DPP10: variants seen among roughly 807,000 people sequenced by gnomAD.
DPP10 encodes the protein inactive dipeptidyl peptidase 10.
Under a neutral mutation model 120.9 loss-of-function variants are expected in DPP10, and 33 were observed. The observed-to-expected ratio is 0.27, with a 90% CI of 0.21 to 0.37. The LOEUF is 0.37. Ranked by LOEUF, DPP10 falls within the 10% of genes least tolerant of loss-of-function variation. DPP10 has a pLI of 1.00. For missense variants in DPP10, 816 were observed against 942.8 expected (o/e 0.87, Z 1.76); for synonymous variants, 337 against 326.1 (o/e 1.03, Z -0.36).
intron 1 of DPP10, among the ~76,000 whole-genome samples, chr2:115,170,453 T>G (rs2053232332): frequency 6.6e-6 from 1 of 152,152 alleles, no homozygotes; most frequent in South Asian, 2.1e-4. Context: ...CCATGAAGGA[T>G]TCCTCAAATT....
At chr2:115,652,179 G>T (rs2087844918) in intron 5 of DPP10, among the ~76,000 whole-genome samples, 1 of 151,952 alleles carries the variant, frequency 6.6e-6, no homozygotes, top group Admixed American at 6.6e-5. Context: ...GTACTTTATA[G>T]AAATCAATTC....
chr2:115,282,953 C>T (rs775676469), intron 1 of DPP10, among the ~76,000 whole-genome samples: 1 of 151,934 alleles, frequency 6.6e-6, no homozygotes, highest in Non-Finnish European at 1.5e-5. Flanking sequence ...TAAAAAAAGT[C>T]CAAATTAGTT....
intron 1 of DPP10, among the ~76,000 whole-genome samples, chr2:114,831,450 G>A (rs574070744): frequency 5.9e-5 from 9 of 152,088 alleles, no homozygotes; most frequent in African/African-American, 1.7e-4. Flanking sequence ...GCTTTGGAAA[G>A]CAAATAACTG....
chr2:115,452,355 A>T (rs2073175072), intron 3 of DPP10, among the ~76,000 whole-genome samples: 1 of 151,876 alleles, frequency 6.6e-6, no homozygotes, highest in Non-Finnish European at 1.5e-5. Flanking sequence ...CAGTTTAAAC[A>T]AATTGGTTAA....
At chr2:115,166,618 C>T (rs1053861615) in intron 1 of DPP10, among the ~76,000 whole-genome samples, 1 of 122,946 alleles carries the variant, frequency 8.1e-6, no homozygotes, top group Non-Finnish European at 1.8e-5. Flanking sequence ...GAACATACAA[C>T]AAATATCTCT....
intron 1 of DPP10, among the ~76,000 whole-genome samples, chr2:114,619,735 C>A (rs1693953126): frequency 6.6e-6 from 1 of 151,946 alleles, no homozygotes; most frequent in African/African-American, 2.4e-5. Flanking sequence ...ATATATGATT[C>A]TCTTAAACTC....
At chr2:114,565,023 G>A (rs961531935) in intron 1 of DPP10, among the ~76,000 whole-genome samples, 2 of 152,178 alleles carry the variant, frequency 1.3e-5, no homozygotes, top group Non-Finnish European at 2.9e-5. Flanking sequence ...GCAGAGGCCT[G>A]GAATGAGTTA....
intron 1 of DPP10, among the ~76,000 whole-genome samples, chr2:114,542,985 A>G (rs1687073533): frequency 6.6e-6 from 1 of 152,208 alleles, no homozygotes; most frequent in African/African-American, 2.4e-5. Flanking sequence ...GGGTTTGCTC[A>G]AGAGAACAGT....
At chr2:115,142,801 T>G (rs1336040951) in intron 1 of DPP10, among the ~76,000 whole-genome samples, 1 of 152,140 alleles carries the variant, frequency 6.6e-6, no homozygotes, top group Non-Finnish European at 1.5e-5. Flanking sequence ...CAGTAGCCCT[T>G]AAGGATCCCT....
chr2:115,308,298 T>A (rs1347374738), intron 1 of DPP10, among the ~76,000 whole-genome samples: 4 of 152,160 alleles, frequency 2.6e-5, no homozygotes, highest in Admixed American at 2.6e-4. Flanking sequence ...GATATCTTCA[T>A]ATTTTGTTTC....
chr2:115,309,207 T>A (rs1376626983), intron 1 of DPP10, 32 bp from the exon 2 acceptor site: 1 of 1,565,096 alleles, frequency 6.4e-7, no homozygotes, highest in Admixed American at 1.7e-5. Context: ...GGAGCATGAA[T>A]AATTACAAAA....
At chr2:115,183,728 G>C (rs1352686035) in intron 1 of DPP10, among the ~76,000 whole-genome samples, 1 of 152,084 alleles carries the variant, frequency 6.6e-6, no homozygotes, top group Non-Finnish European at 1.5e-5. Flanking sequence ...TTGACAGGTG[G>C]GATAAATAAT....
intron 3 of DPP10, among the ~76,000 whole-genome samples, chr2:115,432,529 C>G (rs955013103): frequency 6.6e-6 from 1 of 151,724 alleles, no homozygotes; most frequent in Non-Finnish European, 1.5e-5. Flanking sequence ...GTAAAGGGAC[C>G]ATTTCCTTCT....
chr2:115,760,033 CA>C (rs199841053), intron 11 of DPP10, among the ~76,000 whole-genome samples: 6 of 149,778 alleles, frequency 4.0e-5, no homozygotes, highest in East Asian at 2.0e-4. Flanking sequence ...AAAAAACAAA[CA>C]AAAAAAAACC....
intron 7 of DPP10, among the ~76,000 whole-genome samples, chr2:115,699,101 C>T (rs999133290): frequency 6.9e-6 from 1 of 144,312 alleles, no homozygotes; most frequent in African/African-American, 2.5e-5. Context: ...GATATTATGA[C>T]CGTTTCTACA....
chr2:115,361,302 C>T (rs2064749260), intron 3 of DPP10, among the ~76,000 whole-genome samples: 1 of 152,082 alleles, frequency 6.6e-6, no homozygotes, highest in Admixed American at 6.5e-5. Context: ...ACCAGGCATG[C>T]AGCTTTGTCC....
At chr2:115,563,773 T>C (rs2080832040) in intron 5 of DPP10, among the ~76,000 whole-genome samples, 1 of 152,162 alleles carries the variant, frequency 6.6e-6, no homozygotes, top group African/African-American at 2.4e-5. Flanking sequence ...ATAGCAAATA[T>C]GTGGAAAACA....
chr2:115,446,641 CTT>C (rs2072619829), intron 3 of DPP10, among the ~76,000 whole-genome samples: 2 of 152,150 alleles, frequency 1.3e-5, no homozygotes, highest in South Asian at 4.1e-4. Context: ...GGGAGAGAGA[CTT>C]TTTGTGTCTA....
At chr2:114,532,292 T>TACACAC (rs1433723535) in intron 1 of DPP10, among the ~76,000 whole-genome samples, 19 of 67,368 alleles carry the variant, frequency 2.8e-4, no homozygotes, top group Non-Finnish European at 1.1e-4. Context: ...TATATATATA[T>TACACAC]ATATACACAC....
Sources: gnomAD v4.1 joint callset for allele counts (sites outside exome capture counted in the v4.1 genomes callset) on GRCh38, gnomAD v4.1.1 for gene constraint, MANE v1.5 for transcripts, NCBI Gene and HGNC (gene_info 2026-07-23, HGNC 2026-07-21) for gene names.